The following PCDH11Y variants were observed in gnomAD, a reference collection of about 807,000 sequenced individuals.
PCDH11Y encodes protocadherin 11 Y-linked, also known as protocadherin-11 Y-linked.
For synonymous variants in PCDH11Y, 9 were observed against 83.6 expected, an observed-to-expected ratio of 0.11 and a Z score of 4.87; for missense variants, 12 against 224.8, an observed-to-expected ratio of 0.05 and a Z score of 6.05.
Position 5,468,786 on chromosome Y carries a change from A to C in PCDH11Y, c.3130-32271A>C, listed in dbSNP as rs2053310660. On this transcript the variant is annotated intron_variant, in intron 2 of 4. Coordinates refer to the PCDH11Y transcript ENST00000400457. Reference sequence around the variant, plus strand: ...CAGATGAATGTGGTCACTACAATTGATGATCAGGAAGAATTTGAAAATAAT... The same window carrying C: ...CAGATGAATGTGGTCACTACAATTGCTGATCAGGAAGAATTTGAAAATAAT... 4.2e-4 allele frequency among the ~76,000 whole-genome samples: 14 copies of C among 33,052 alleles called. No individual in the cohort carries two copies. In the South Asian group the frequency reaches 9.4e-3, roughly 22 times the overall value. 88.7% of individuals were successfully genotyped at this position (33,052 alleles called of 37,273 possible). A position where few individuals can be genotyped will look rare whatever the true frequency, so the allele number is the denominator to read the frequency against.
At chrY:5,548,875 G>A in intron 3 of PCDH11Y, among the ~76,000 whole-genome samples, 1 of 32,888 alleles carries the variant, frequency 3.0e-5, no homozygotes, top group African/African-American at 1.2e-4. Context: ...AAATGTTGAG[G>A]GAGTTCATTA....
At chrY:5,581,885 C>CT in intron 4 of PCDH11Y, 87 bp downstream of exon 5, 1 of 282,034 alleles carries the variant, frequency 3.5e-6, no homozygotes. Context: ...AACTGTTTAC[C>CT]TTTTTGCTAC....
At chrY:5,719,477 T>G in intron 4 of PCDH11Y, among the ~76,000 whole-genome samples, 5 of 33,157 alleles carry the variant, frequency 1.5e-4, no homozygotes, top group Admixed American at 1.4e-3. Context: ...AGGGGGCCAA[T>G]GTACACCTCA....
At chrY:5,667,732 A>G in intron 4 of PCDH11Y, among the ~76,000 whole-genome samples, 2 of 33,237 alleles carry the variant, frequency 6.0e-5, no homozygotes, top group Non-Finnish European at 1.5e-4. Context: ...GCATCTTATC[A>G]TCAGCGTGTG....
At chrY:5,667,671 A>C (rs2053545959) in intron 4 of PCDH11Y, among the ~76,000 whole-genome samples, 1 of 33,408 alleles carries the variant, frequency 3.0e-5, no homozygotes, top group Admixed American at 2.8e-4. Flanking sequence ...CTGGGATTGC[A>C]GGCATGAGCC....
intron 2 of PCDH11Y, among the ~76,000 whole-genome samples, chrY:5,425,978 A>G (rs2053262914): frequency 3.0e-5 from 1 of 33,169 alleles, no homozygotes; most frequent in African/African-American, 1.2e-4. Context: ...GTGTGCTACA[A>G]ATTTGTCCGT....
At chrY:5,649,994 AT>A (rs2053530028) in intron 4 of PCDH11Y, among the ~76,000 whole-genome samples, 1 of 32,832 alleles carries the variant, frequency 3.0e-5, no homozygotes. Context: ...AGATTTAGTT[AT>A]CAGGTTGTTT....
chrY:5,019,273 T>C (rs376289707), intron 1 of PCDH11Y: 2 of 33,102 alleles, frequency 6.0e-5, no homozygotes, highest in East Asian at 1.6e-3. Flanking sequence ...CCTCGGGGGT[T>C]AAAACACAGT....
intron 2 of PCDH11Y, among the ~76,000 whole-genome samples, chrY:5,367,755 C>T (rs2124672789): frequency 3.4e-5 from 1 of 29,511 alleles, no homozygotes; most frequent in African/African-American, 1.3e-4. Flanking sequence ...CACACAGACA[C>T]ACACATACAC....
chrY:5,230,571 G>A, intron 2 of PCDH11Y, among the ~76,000 whole-genome samples: 4 of 33,056 alleles, frequency 1.2e-4, no homozygotes, highest in South Asian at 6.9e-4. Context: ...TTTAGAATCC[G>A]TTCTTAACTG....
chrY:5,686,560 C>T, intron 4 of PCDH11Y, among the ~76,000 whole-genome samples: 1 of 33,719 alleles, frequency 3.0e-5, no homozygotes, highest in Non-Finnish European at 7.4e-5. Context: ...AGGTATTTTT[C>T]TCTTTGTAGC....
At position 5,264,248 on chromosome Y, in the gene PCDH11Y, C is replaced by G. The variant is rs1602896084; in HGVS notation, c.3129+163541C>G. On this transcript the variant is annotated intron_variant, in intron 2 of 4. Coordinates refer to the PCDH11Y transcript ENST00000400457. ...AGGCTAGGCCTGGACTTAGGGACCC[C>G]AAGAGCCTGCTTTATGCTGTACCCC... is the stretch of plus-strand genomic sequence containing the variant. Among the ~76,000 whole-genome samples, 11 of 33,642 alleles carry G rather than the reference C, an allele frequency of 3.3e-4. No homozygotes were observed. The East Asian group carries it at 9.0e-3, about 27-fold the overall frequency. 90.3% of individuals were successfully genotyped at this position (33,642 alleles called of 37,273 possible).
intron 3 of PCDH11Y, among the ~76,000 whole-genome samples, chrY:5,506,624 A>G: frequency 6.1e-5 from 2 of 32,580 alleles, no homozygotes; most frequent in Non-Finnish European, 1.5e-4. Context: ...AGCCTATATA[A>G]TAGTGTCAGT....
At chrY:5,542,000 C>T (rs2053407773) in intron 3 of PCDH11Y, among the ~76,000 whole-genome samples, 1 of 30,931 alleles carries the variant, frequency 3.2e-5, no homozygotes, top group South Asian at 7.6e-4. Flanking sequence ...AGCAGATAAA[C>T]CCACATACTC....
intron 3 of PCDH11Y, among the ~76,000 whole-genome samples, chrY:5,515,124 C>T (rs2124689429): frequency 1.5e-4 from 5 of 33,472 alleles, no homozygotes; most frequent in Admixed American, 1.4e-3. Flanking sequence ...CAAATGATAA[C>T]GCTTCATTTG....
chrY:5,134,266 T>C, intron 2 of PCDH11Y, among the ~76,000 whole-genome samples: 1 of 33,260 alleles, frequency 3.0e-5, no homozygotes, highest in Non-Finnish European at 7.4e-5. Context: ...TCCTTAGTTT[T>C]TTCCAAAGAT....
intron 2 of PCDH11Y, among the ~76,000 whole-genome samples, chrY:5,385,720 G>A (rs2053213599): frequency 9.0e-5 from 3 of 33,481 alleles, no homozygotes; most frequent in Non-Finnish European, 2.2e-4. Context: ...GAGTAAGGTC[G>A]TATCGCATTG....
intron 4 of PCDH11Y, among the ~76,000 whole-genome samples, chrY:5,601,782 A>C: frequency 6.0e-5 from 2 of 33,105 alleles, no homozygotes; most frequent in Non-Finnish European, 1.5e-4. Flanking sequence ...AAATAGTTTC[A>C]ATCTGGCCTG....
intron 4 of PCDH11Y, among the ~76,000 whole-genome samples, chrY:5,666,070 G>T: frequency 3.0e-5 from 1 of 33,602 alleles, no homozygotes; most frequent in East Asian, 7.9e-4. Context: ...GTCTATGTCT[G>T]CAGGGGCAAA....
Sources: gnomAD v4.1 joint callset for allele counts (sites outside exome capture counted in the v4.1 genomes callset) on GRCh38, gnomAD v4.1.1 for gene constraint, MANE v1.5 for transcripts, NCBI Gene and HGNC (gene_info 2026-07-23, HGNC 2026-07-21) for gene names.